The following DTNA variants were observed in gnomAD, a reference collection of about 807,000 sequenced individuals.
DTNA encodes the protein dystrophin-related protein 3.
Under a neutral mutation model 100.7 loss-of-function variants are expected in DTNA, and 43 were observed. The observed-to-expected ratio is 0.43, with a 90% confidence interval of 0.33 to 0.55. DTNA has a LOEUF of 0.55. Among genes scored for constraint, DTNA ranks in the 20% least tolerant of loss-of-function variants. The pLI is 0.04. For missense variants in DTNA, 798 were observed against 953.9 expected, an observed-to-expected ratio of 0.84 and a Z score of 2.15; for synonymous variants, 349 against 347.9, an observed-to-expected ratio of 1.00 and a Z score of -0.04.
At position 34,879,724 on chromosome 18, in the gene DTNA, G is replaced by A; in HGVS notation, c.2162+5G>A. On this transcript the variant is annotated splice_donor_5th_base_variant and intron_variant, in intron 20 of 22. Transcript: ENST00000444659. ...AAGTACCATGCGTGGCGACATGTGA[G>A]TATCTTCCGCTTGGAAGCATTTTCT... is the stretch of plus-strand genomic sequence containing the variant. 2 of 1,614,002 alleles carry A rather than the reference G, an allele frequency of 1.2e-6. No individual in the cohort carries two copies. Among genetic ancestry groups the A allele is most frequent in the Non-Finnish European group, 1.7e-6 (2 of 1,179,958 alleles).
At chr18:34,686,030 A>C (rs553091084) in intron 1 of DTNA, among the ~76,000 whole-genome samples, 1 of 152,198 alleles carries the variant, frequency 6.6e-6, no homozygotes, top group African/African-American at 2.4e-5. Flanking sequence ...AGCTTAATGA[A>C]GTTTTGGGCT....
At chr18:34,496,858 T>C (rs1411437230) in intron 1 of DTNA, among the ~76,000 whole-genome samples, 1 of 152,188 alleles carries the variant, frequency 6.6e-6, no homozygotes, top group African/African-American at 2.4e-5. Context: ...TCCAGTAATC[T>C]TTTCCTAAAT....
At chr18:34,763,996 G>T (rs1398171977) in intron 2 of DTNA, among the ~76,000 whole-genome samples, 1 of 152,162 alleles carries the variant, frequency 6.6e-6, no homozygotes, top group East Asian at 1.9e-4. Flanking sequence ...TGATAATGTA[G>T]CTGCTTTGCA....
At chr18:34,622,679 A>T (rs1260250504) in intron 1 of DTNA, among the ~76,000 whole-genome samples, 1 of 151,894 alleles carries the variant, frequency 6.6e-6, no homozygotes. Flanking sequence ...GCTGGGTTAC[A>T]CTCTTCCTTT....
chr18:34,802,826 A>T (rs2095259002), intron 4 of DTNA, among the ~76,000 whole-genome samples: 1 of 152,030 alleles, frequency 6.6e-6, no homozygotes, highest in African/African-American at 2.4e-5. Flanking sequence ...TTCATCACAA[A>T]TTTTTTTCAA....
At chr18:34,866,223 C>A in intron 17 of DTNA, 2 of 1,612,602 alleles carry the variant, frequency 1.2e-6, no homozygotes, top group South Asian at 1.1e-5. Flanking sequence ...AATGTATGTT[C>A]ATGCTTCAGT....
intron 1 of DTNA, among the ~76,000 whole-genome samples, chr18:34,576,739 A>C (rs2146549115): frequency 6.6e-6 from 1 of 152,314 alleles, no homozygotes; most frequent in East Asian, 1.9e-4. Context: ...AATTGCAGGC[A>C]TGAGCAACCA....
At chr18:34,864,290 G>A (rs1193825345) in intron 17 of DTNA, among the ~76,000 whole-genome samples, 2 of 133,106 alleles carry the variant, frequency 1.5e-5, no homozygotes, top group African/African-American at 2.9e-5. Context: ...TTGCTCTGTC[G>A]CCCAGGCTGG....
At chr18:34,733,192 C>T (rs1037654272) in intron 1 of DTNA, among the ~76,000 whole-genome samples, 3 of 152,080 alleles carry the variant, frequency 2.0e-5, no homozygotes, top group Non-Finnish European at 4.4e-5. Flanking sequence ...GTAGTGGGGT[C>T]TTTCCTCAAA....
intron 1 of DTNA, among the ~76,000 whole-genome samples, chr18:34,505,927 T>C (rs767674669): frequency 7.2e-5 from 11 of 152,220 alleles, no homozygotes; most frequent in South Asian, 2.1e-4. Flanking sequence ...TTTTCTTATA[T>C]GTTAAGAGAC....
In DTNA at chr18:34,559,543, C is replaced by G. The variant is rs142924909; in HGVS notation, c.-2+66029C>G. 5.9e-3 allele frequency among the ~76,000 whole-genome samples: 892 copies of G among 152,270 alleles called. 10 individuals are homozygous for G. Among genetic ancestry groups the G allele is most frequent in the African/African-American group, 0.02 (851 of 41,558 alleles). ...ACTACGAAGAGAACACGCTGCTGTT[C>G]TGGACAGGAAATTCAAAAGGAAATA... On this transcript the variant is annotated intron_variant, in intron 1 of 19. Transcript: ENST00000283365.
At position 34,838,832 on chromosome 18, in the gene DTNA, C is replaced by G. The variant is rs1436953658; in HGVS notation, c.1341C>G (p.Pro447=). Residue 447 remains proline, a synonymous_variant, in exon 13 of 23, where the codon CCC becomes CCG. Coordinates refer to ENST00000444659, the MANE Select transcript of DTNA (RefSeq NM_001386795.1). ...ATGTCAACATGCTCCGGAACAACCC[C>G]TCATGGTTAGTGCAGGTTTGGCTGC... ...GLYVNMLRNN[P]SCMLESSNRL... is the part of the protein sequence containing the mutation. The G allele has an allele frequency of 9.3e-6, 15 of 1,613,474 alleles. No homozygotes were observed. The highest frequency in any genetic ancestry group is 1.2e-5 in the Non-Finnish European group (14 of 1,179,596).
Position 34,891,815 on chromosome 18 carries a change from T to G in DTNA, c.*4081T>G, listed in dbSNP as rs1453257085. The G allele has an allele frequency of 6.6e-6, 1 of 152,222 alleles. No homozygotes were observed. The highest frequency in any genetic ancestry group is 1.5e-5 in the Non-Finnish European group (1 of 68,028). 9.4% of individuals were successfully genotyped at this position (152,222 alleles called of 1,614,324 possible). A position where few individuals can be genotyped will look rare whatever the true frequency, so the allele number is the denominator to read the frequency against. ...TATTAAGTGCTCAATGGTTTTTTTG[T>G]TGAATTACTGAATAAATGAATTAGT... On this transcript the variant is annotated 3_prime_UTR_variant, in exon 23 of 23. Transcript: ENST00000444659.
intron 1 of DTNA, among the ~76,000 whole-genome samples, chr18:34,599,477 AC>A (rs1244561739): frequency 3.3e-5 from 5 of 152,198 alleles, no homozygotes; most frequent in Middle Eastern, 3.4e-3. Context: ...TTACTTATTC[AC>A]CCCCTTCACC....
At chr18:34,668,524 T>G (rs1221925084) in intron 1 of DTNA, among the ~76,000 whole-genome samples, 2 of 152,174 alleles carry the variant, frequency 1.3e-5, no homozygotes, top group Non-Finnish European at 2.9e-5. Flanking sequence ...TGTTAGGGTG[T>G]CAATTTTAGA....
intron 1 of DTNA, among the ~76,000 whole-genome samples, chr18:34,687,202 CT>C (rs2079027145): frequency 6.6e-6 from 1 of 152,086 alleles, no homozygotes; most frequent in Admixed American, 6.6e-5. Context: ...TTTGTTTGCT[CT>C]TGCTTCTCTA....
intron 7 of DTNA, 116 bp from the exon 8 acceptor site, chr18:34,818,048 A>G: frequency 1.9e-6 from 3 of 1,591,110 alleles, no homozygotes; most frequent in Admixed American, 1.7e-5. Context: ...CAAATCAACT[A>G]TCATCTGAAA....
At chr18:34,558,858 G>A (rs969312939) in intron 1 of DTNA, among the ~76,000 whole-genome samples, 3 of 152,192 alleles carry the variant, frequency 2.0e-5, no homozygotes, top group African/African-American at 7.2e-5. Context: ...GGAGCTTAGG[G>A]AAGGAGGAAG....
At chr18:34,649,521 A>G (rs2060212669) in intron 1 of DTNA, among the ~76,000 whole-genome samples, 1 of 152,164 alleles carries the variant, frequency 6.6e-6, no homozygotes, top group Non-Finnish European at 1.5e-5. Flanking sequence ...TAAATAATTT[A>G]TTTGAATAAT....
Sources: allele counts gnomAD v4.1 joint callset (sites outside exome capture counted in the v4.1 genomes callset), GRCh38; gene constraint gnomAD v4.1.1; transcripts MANE v1.5; gene names NCBI Gene and HGNC (gene_info 2026-07-23, HGNC 2026-07-21).